The following INSL6 variants were observed in gnomAD, a reference collection of about 807,000 sequenced individuals.
INSL6 encodes the protein insulin like 6, also known as insulin-like peptide INSL6.
In INSL6, 16 loss-of-function variants were observed where a neutral mutation model predicts 9.4. That is an observed-to-expected ratio of 1.70 (90% CI 1.15 to 2.59). INSL6 has a LOEUF of 2.59. Ranked by LOEUF, INSL6 falls within the 30% of genes most tolerant of loss-of-function variation. The pLI, the probability that INSL6 is intolerant of heterozygous loss-of-function variation, is 0.00. For missense variants in INSL6, 391 were observed against 257.3 expected (o/e 1.52, Z -3.56); for synonymous variants, 154 against 96.9 (o/e 1.59, Z -3.46).
the INSL6 span, among the ~76,000 whole-genome samples, chr9:5,065,246 A>G: frequency 6.6e-6 from 1 of 152,236 alleles, no homozygotes; most frequent in Non-Finnish European, 1.5e-5. Context: ...TATAATATTT[A>G]TAAGTTGTAC....
At chr9:5,003,170 G>C in the INSL6 span, among the ~76,000 whole-genome samples, 4 of 151,888 alleles carry the variant, frequency 2.6e-5, no homozygotes, top group South Asian at 8.3e-4. Context: ...TAAATCTTTA[G>C]TTTGCTCTTC....
intron 1 of INSL6, among the ~76,000 whole-genome samples, chr9:5,166,433 T>C (rs1038360486): frequency 2.6e-5 from 4 of 151,976 alleles, no homozygotes; most frequent in Admixed American, 6.6e-5. Flanking sequence ...AAGAATAAGA[T>C]AGAACTCTAT....
At chr9:5,041,199 A>T in the INSL6 span, 2 of 1,450,780 alleles carry the variant, frequency 1.4e-6, no homozygotes, top group Non-Finnish European at 9.5e-7. Flanking sequence ...CAGGACGTGA[A>T]GCCCGAGAAC....
the INSL6 span, among the ~76,000 whole-genome samples, chr9:5,038,626 A>G: frequency 6.8e-6 from 1 of 147,540 alleles, no homozygotes; most frequent in African/African-American, 2.5e-5. Flanking sequence ...ATTTTAGAAT[A>G]TTTGCAGAGT....
At chr9:5,161,913 T>C (rs977699280), downstream of INSL6, among the ~76,000 whole-genome samples, 56 of 152,014 alleles carry the variant, frequency 3.7e-4, no homozygotes, top group African/African-American at 1.3e-3. Context: ...AGACTCTGTC[T>C]CTACAAAAAA....
At chr9:5,127,819 G>C (rs1025116838) in intron 3 of INSL6, 3 of 232,570 alleles carry the variant, frequency 1.3e-5, no homozygotes, top group East Asian at 6.0e-5. Context: ...CTGTATATTT[G>C]AGGGGTTTCA....
chr9:5,070,098 C>G, the INSL6 span: 1 of 1,386,414 alleles, frequency 7.2e-7, no homozygotes, highest in Non-Finnish European at 1.0e-6. Context: ...CCTTTTAAAA[C>G]AACATCTGTT....
At chr9:5,036,347 G>A in the INSL6 span, among the ~76,000 whole-genome samples, 2 of 152,168 alleles carry the variant, frequency 1.3e-5, no homozygotes, top group Admixed American at 6.5e-5. Flanking sequence ...AGCTACAGAT[G>A]ACTTTCTTCA....
At chr9:5,038,651 C>G in the INSL6 span, among the ~76,000 whole-genome samples, 1 of 149,342 alleles carries the variant, frequency 6.7e-6, no homozygotes, top group African/African-American at 2.5e-5. Flanking sequence ...GCTGGTTGAA[C>G]ATACCTAATA....
the INSL6 span, among the ~76,000 whole-genome samples, chr9:5,116,658 C>G: frequency 6.6e-6 from 1 of 152,100 alleles, no homozygotes; most frequent in Non-Finnish European, 1.5e-5. Context: ...TATTAAGACT[C>G]TACTGTGCTC....
intron 3 of INSL6, chr9:5,127,604 A>C (rs1824081147): frequency 4.3e-6 from 1 of 231,762 alleles, no homozygotes; most frequent in Non-Finnish European, 8.6e-6. Flanking sequence ...ACTACTATGA[A>C]CAGTTTTCTT....
At chr9:5,128,143 A>C (rs894193793) in intron 3 of INSL6, 1 of 231,038 alleles carries the variant, frequency 4.3e-6, no homozygotes, top group Non-Finnish European at 8.5e-6. Flanking sequence ...AACTTAAAAT[A>C]CTTGCTGTTT....
At chr9:5,004,439 A>AT in the INSL6 span, among the ~76,000 whole-genome samples, 1 of 152,144 alleles carries the variant, frequency 6.6e-6, no homozygotes, top group African/African-American at 2.4e-5. Context: ...TTCCAGGTTC[A>AT]TCCATGTTGT....
the INSL6 span, chr9:5,066,751 A>G: frequency 6.3e-7 from 1 of 1,578,534 alleles, no homozygotes; most frequent in African/African-American, 1.4e-5. Flanking sequence ...ATGCAGTCCT[A>G]AGGACTTTAA....
chr9:5,158,173 A>T (rs1443028394), intron 2 of INSL6, among the ~76,000 whole-genome samples: 1 of 152,098 alleles, frequency 6.6e-6, no homozygotes, highest in Non-Finnish European at 1.5e-5. Flanking sequence ...AAAATGAATT[A>T]AAAAAATAAA....
downstream of INSL6, among the ~76,000 whole-genome samples, chr9:5,122,328 G>A (rs1221956891): frequency 6.6e-6 from 1 of 152,104 alleles, no homozygotes; most frequent in African/African-American, 2.4e-5. Context: ...CCATTGCTGT[G>A]ACTTTTTCCT....
the INSL6 span, chr9:5,054,547 G>T: frequency 6.5e-7 from 1 of 1,536,442 alleles, no homozygotes. The surrounding 1 kb of genome is among the most constrained non-coding windows in gnomAD (Gnocchi z 4.9). Context: ...TTCTGTATGT[G>T]CTTTTTTATC....
chr9:5,067,994 T>C, the INSL6 span, among the ~76,000 whole-genome samples: 2 of 151,988 alleles, frequency 1.3e-5, no homozygotes, highest in African/African-American at 4.8e-5. Flanking sequence ...ACCCTGTCTC[T>C]ACCAAAATTA....
At chr9:5,054,348 T>C in the INSL6 span, among the ~76,000 whole-genome samples, 2 of 152,064 alleles carry the variant, frequency 1.3e-5, no homozygotes, top group African/African-American at 4.8e-5. This position sits in a 1 kb window ranked among gnomAD's most constrained non-coding sequence, Gnocchi z 4.9. Context: ...ACATTGATGA[T>C]AACTTAGAGT....
Sources: allele counts gnomAD v4.1 joint callset (sites outside exome capture counted in the v4.1 genomes callset), GRCh38; gene constraint gnomAD v4.1.1; non-coding constraint Gnocchi (gnomAD v3.1); transcripts MANE v1.5; gene names NCBI Gene and HGNC (gene_info 2026-07-23, HGNC 2026-07-21).